PLXNA4: variants seen among roughly 807,000 people sequenced by gnomAD.
The protein encoded by PLXNA4 is plexin-A4.
PLXNA4 carries 44 observed loss-of-function variants against 191.8 expected under a neutral mutation model. The ratio of observed to expected loss-of-function variants is 0.23; its 90% CI spans 0.18 to 0.29. The LOEUF (loss-of-function observed/expected upper bound fraction) is 0.29, where lower values mean the gene tolerates loss of function less well. Ranked by LOEUF, PLXNA4 falls within the 10% of genes least tolerant of loss-of-function variation. PLXNA4 has a pLI of 1.00. For missense variants in PLXNA4, 1,800 were observed against 2,488.8 expected (o/e 0.72, Z 5.89); for synonymous variants, 1,082 against 1,009.5 (o/e 1.07, Z -1.36).
chr7:132,405,782 T>C lies in PLXNA4; in HGVS notation c.1371+83510A>G, dbSNP rs1467446544. ...CCTTAGACTTCAGGTTCCCCATCCT[T>C]TAGGGCAGTTTTAAAAATTGTTTCG... On this transcript the variant is annotated intron_variant, in intron 3 of 31. Transcript: ENST00000321063. Among the ~76,000 whole-genome samples the C allele has an allele frequency of 2.0e-5, 3 of 152,304 alleles. 1 individual carries two copies. The East Asian group carries it at 5.8e-4, about 29-fold the overall frequency.
chr7:132,422,806 G>A (rs921097970), intron 3 of PLXNA4, among the ~76,000 whole-genome samples: 5 of 152,134 alleles, frequency 3.3e-5, no homozygotes, highest in African/African-American at 1.2e-4. Flanking sequence ...CTATAAAGGG[G>A]GTATTATTAC....
intron 2 of PLXNA4, among the ~76,000 whole-genome samples, chr7:132,591,412 G>C (rs977234909): frequency 1.3e-5 from 2 of 152,202 alleles, no homozygotes; most frequent in Non-Finnish European, 2.9e-5. Flanking sequence ...CAAATTGCCA[G>C]AGTGAATTAT....
chr7:132,458,302 C>T lies in PLXNA4; in HGVS notation c.1371+30990G>A, dbSNP rs141955598. Among the ~76,000 whole-genome samples the T allele has an allele frequency of 7.9e-5, 12 of 152,010 alleles. No homozygotes were observed. In the East Asian group the frequency reaches 2.3e-3, roughly 29 times the overall value. ...CACATGCCATGACCTAGCAATTTCA[C>T]TCCTAGGTATATTTCCAACAGAAAT... On this transcript the variant is annotated intron_variant, in intron 3 of 31. Transcript: ENST00000321063.
intron 3 of PLXNA4, chr7:132,384,317 TC>T (rs1187604521): frequency 3.0e-6 from 3 of 985,328 alleles, no homozygotes; most frequent in Non-Finnish European, 3.6e-6. Flanking sequence ...CATCTTGCCT[TC>T]ATACACTCTT....
At chr7:132,223,461 T>C in intron 9 of PLXNA4, 66 bp downstream of exon 9, 1 of 1,350,378 alleles carries the variant, frequency 7.4e-7, no homozygotes, top group African/African-American at 1.4e-5. Flanking sequence ...CTTAAGGGAA[T>C]GCCTCTCTTC....
chr7:132,227,381 T>A, intron 7 of PLXNA4, 70 bp downstream of exon 7: 2 of 1,594,592 alleles, frequency 1.3e-6, no homozygotes, highest in Non-Finnish European at 1.7e-6. Context: ...TCCCCCCACA[T>A]CTGTCCTGAG....
At chr7:132,386,726 G>A (rs1180740938) in intron 3 of PLXNA4, among the ~76,000 whole-genome samples, 1 of 152,180 alleles carries the variant, frequency 6.6e-6, no homozygotes, top group East Asian at 1.9e-4. Context: ...CGGAAAACAG[G>A]TGGGATGAGG....
chr7:132,399,371 T>C (rs1178513978), intron 3 of PLXNA4, among the ~76,000 whole-genome samples: 1 of 152,254 alleles, frequency 6.6e-6, no homozygotes, highest in African/African-American at 2.4e-5. Context: ...TCAGCATTTA[T>C]TTTGTGCCAA....
intron 3 of PLXNA4, among the ~76,000 whole-genome samples, chr7:132,330,619 A>C (rs1246501899): frequency 1.3e-5 from 2 of 152,242 alleles, no homozygotes; most frequent in Admixed American, 6.5e-5. Context: ...CTGTGTCTGC[A>C]TCTGGCTGTA....
rs1256407616 is a variant in PLXNA4, at chr7:132,460,996, T to C, written c.1371+28296A>G. Among the ~76,000 whole-genome samples, 4 of 152,114 alleles carry C rather than the reference T, an allele frequency of 2.6e-5. No homozygotes were observed. The East Asian group carries it at 7.7e-4, about 29-fold the overall frequency. On this transcript the variant is annotated intron_variant, in intron 3 of 31. Transcript: ENST00000321063. Reference sequence around the variant, plus strand: ...GATAATCACAAGAAATATTTTCCTATGAGATAGATTTACCAAAAGGAAAAA... The same window carrying C: ...GATAATCACAAGAAATATTTTCCTACGAGATAGATTTACCAAAAGGAAAAA...
intron 4 of PLXNA4, among the ~76,000 whole-genome samples, chr7:132,280,167 A>C (rs1018062039): frequency 6.6e-6 from 1 of 152,198 alleles, no homozygotes; most frequent in African/African-American, 2.4e-5. Context: ...CATGACCAGC[A>C]GTTTGAAAAA....
At chr7:132,165,037 C>T in intron 23 of PLXNA4, 97 bp downstream of exon 23, 2 of 1,501,578 alleles carry the variant, frequency 1.3e-6, no homozygotes, top group South Asian at 2.7e-5. Context: ...AAGAGCCAGG[C>T]CCAGTAAGGG....
chr7:132,485,092 A>G, intron 3 of PLXNA4: 1 of 1,572,888 alleles, frequency 6.4e-7, no homozygotes, highest in Non-Finnish European at 8.6e-7. Flanking sequence ...CTACATGACA[A>G]TTCCCAATAA....
intron 3 of PLXNA4, among the ~76,000 whole-genome samples, chr7:132,382,546 G>A (rs975815976): frequency 2.0e-5 from 3 of 152,152 alleles, no homozygotes; most frequent in African/African-American, 4.8e-5. Flanking sequence ...AGCATGCACA[G>A]TCAATTTTAG....
intron 1 of PLXNA4, among the ~76,000 whole-genome samples, chr7:132,572,527 G>T (rs945545015): frequency 2.6e-5 from 4 of 152,186 alleles, no homozygotes; most frequent in African/African-American, 9.6e-5. Flanking sequence ...CTTCCAGGCT[G>T]CTCCATGCCA....
intron 3 of PLXNA4, among the ~76,000 whole-genome samples, chr7:132,406,732 C>A (rs924675838): frequency 2.0e-5 from 3 of 152,108 alleles, no homozygotes; most frequent in Non-Finnish European, 4.4e-5. Flanking sequence ...TGGAACCACA[C>A]AGGTTGTTAA....
At chr7:132,156,074 C>G (rs1044037884) in intron 25 of PLXNA4, among the ~76,000 whole-genome samples, 2 of 149,282 alleles carry the variant, frequency 1.3e-5, no homozygotes, top group African/African-American at 4.9e-5. Flanking sequence ...GACTTGCCAG[C>G]CTCCATAATC....
intron 2 of PLXNA4, among the ~76,000 whole-genome samples, chr7:132,612,191 G>A (rs533933078): frequency 1.3e-5 from 2 of 152,304 alleles, no homozygotes; most frequent in East Asian, 1.9e-4. Context: ...CCAGGACTTA[G>A]TCACATGGCC....
intron 30 of PLXNA4, among the ~76,000 whole-genome samples, chr7:132,134,807 G>A (rs971269282): frequency 4.0e-5 from 6 of 151,430 alleles, no homozygotes; most frequent in African/African-American, 9.7e-5. Context: ...TCCATTCCCC[G>A]CCCCTCCTCC....
Sources: allele counts gnomAD v4.1 joint callset (sites outside exome capture counted in the v4.1 genomes callset), GRCh38; gene constraint gnomAD v4.1.1; transcripts MANE v1.5; gene names NCBI Gene and HGNC (gene_info 2026-07-23, HGNC 2026-07-21).